NOX4: variants seen among roughly 807,000 people sequenced by gnomAD.
NOX4 encodes NADPH oxidase 4.
Under a neutral mutation model 87.6 loss-of-function variants are expected in NOX4, and 69 were observed. The observed-to-expected ratio is 0.79, with a 90% CI of 0.65 to 0.96. The LOEUF (loss-of-function observed/expected upper bound fraction) is 0.96. NOX4 is among the 40% of genes least tolerant of loss of function. NOX4 has a pLI of 0.00. For synonymous variants in NOX4, 275 were observed against 238.2 expected, an observed-to-expected ratio of 1.15 and a Z score of -1.42; for missense variants, 680 against 681.5, an observed-to-expected ratio of 1.00 and a Z score of 0.02.
At chr11:89,583,622 G>A in the NOX4 span, among the ~76,000 whole-genome samples, 1 of 152,096 alleles carries the variant, frequency 6.6e-6, no homozygotes, top group African/African-American at 2.4e-5. Flanking sequence ...TTATACTTTT[G>A]TGGATTTGCT....
At chr11:89,407,365 G>T (rs1942243048) in intron 8 of NOX4, among the ~76,000 whole-genome samples, 2 of 152,144 alleles carry the variant, frequency 1.3e-5, no homozygotes, top group African/African-American at 2.4e-5. Context: ...AGGAAAGGAG[G>T]TGCACAGACT....
chr11:89,542,109 G>A, the NOX4 span, among the ~76,000 whole-genome samples: 1 of 152,052 alleles, frequency 6.6e-6, no homozygotes, highest in Non-Finnish European at 1.5e-5. Context: ...CCACACTTGG[G>A]CCAAACTACT....
At chr11:89,559,404 T>C in the NOX4 span, among the ~76,000 whole-genome samples, 1 of 152,046 alleles carries the variant, frequency 6.6e-6, no homozygotes, top group Non-Finnish European at 1.5e-5. Context: ...ATCTGGTAAA[T>C]ATTTAACAGC....
At chr11:89,527,390 G>T in the NOX4 span, among the ~76,000 whole-genome samples, 1 of 152,206 alleles carries the variant, frequency 6.6e-6, no homozygotes, top group African/African-American at 2.4e-5. Context: ...GCAGAAATGT[G>T]CATAAGTAAT....
chr11:89,455,744 A>ATATATATATG (rs1163284365), intron 2 of NOX4, among the ~76,000 whole-genome samples: 16 of 146,960 alleles, frequency 1.1e-4, no homozygotes, highest in African/African-American at 4.2e-4. Flanking sequence ...ATATATATAT[A>ATATATATATG]TGAAACAAAA....
intron 17 of NOX4, among the ~76,000 whole-genome samples, chr11:89,329,438 A>C (rs1471514990): frequency 6.7e-6 from 1 of 149,796 alleles, no homozygotes; most frequent in East Asian, 1.9e-4. Context: ...TCAAAAATAC[A>C]TGTAACTGCA....
At chr11:89,475,904 A>C (rs888713351) in intron 2 of NOX4, among the ~76,000 whole-genome samples, 1 of 152,184 alleles carries the variant, frequency 6.6e-6, no homozygotes, top group African/African-American at 2.4e-5. Context: ...TTTCCATACT[A>C]TATTTCTTAT....
chr11:89,489,017 T>C (rs1172331622), intron 2 of NOX4: 3 of 701,892 alleles, frequency 4.3e-6, no homozygotes, highest in Non-Finnish European at 7.8e-6. Flanking sequence ...ATGAAAGAAA[T>C]AAATGAAATG....
At chr11:89,518,966 T>G in the NOX4 span, among the ~76,000 whole-genome samples, 1 of 152,090 alleles carries the variant, frequency 6.6e-6, no homozygotes, top group South Asian at 2.1e-4. Flanking sequence ...AAAGAATATT[T>G]TGTAGTCCTT....
chr11:89,491,262 G>T lies in NOX4; in HGVS notation c.-16C>A. ...ACACAGCCATGCCGCCGGCCCCGCC[G>T]CGCTGCGCTCTGTGCCCGCCGGACC... is the stretch of plus-strand genomic sequence containing the variant. On this transcript the variant is annotated 5_prime_UTR_variant, in exon 1 of 18. Transcript: ENST00000263317. The T allele has an allele frequency of 1.9e-6, 3 of 1,611,594 alleles. No homozygotes were observed. The highest frequency in any genetic ancestry group is 2.5e-6 in the Non-Finnish European group (3 of 1,178,830).
chr11:89,347,632 T>A lies in NOX4; in HGVS notation c.1218-5439A>T, dbSNP rs190177040. On this transcript the variant is annotated intron_variant, in intron 13 of 17. Coordinates refer to ENST00000263317, the MANE Select transcript of NOX4 (RefSeq NM_016931.5). The stretch of plus-strand genomic sequence containing the variant: ...TCAATCATGAGGACTTAAACCAGAA[T>A]GTGACTCAAGGGAAAAAGCTTGAAG... 3.3e-5 allele frequency among the ~76,000 whole-genome samples: 5 copies of A among 152,256 alleles called. No individual in the cohort carries two copies. In the East Asian group the frequency reaches 9.7e-4, roughly 29 times the overall value.
At chr11:89,475,183 A>T (rs1473960197) in intron 2 of NOX4, among the ~76,000 whole-genome samples, 1 of 152,026 alleles carries the variant, frequency 6.6e-6, no homozygotes, top group Admixed American at 6.6e-5. Context: ...TACTTAAAAA[A>T]ATAAAAAACT....
intron 2 of NOX4, among the ~76,000 whole-genome samples, chr11:89,477,589 A>G (rs889664048): frequency 3.3e-5 from 5 of 152,130 alleles, no homozygotes; most frequent in Non-Finnish European, 7.4e-5. Flanking sequence ...AAGAAAGTAA[A>G]AGGAAGTCTG....
intron 2 of NOX4, among the ~76,000 whole-genome samples, chr11:89,460,714 T>G (rs1945422033): frequency 6.6e-6 from 1 of 152,224 alleles, no homozygotes. Context: ...TTGGTGGGAC[T>G]GTAAACTAGT....
At chr11:89,550,048 T>A in the NOX4 span, among the ~76,000 whole-genome samples, 2 of 152,164 alleles carry the variant, frequency 1.3e-5, no homozygotes, top group Non-Finnish European at 2.9e-5. Context: ...GATATTTCTT[T>A]TTCTAGATCC....
intron 2 of NOX4, among the ~76,000 whole-genome samples, chr11:89,470,708 T>C (rs564661716): frequency 6.6e-6 from 1 of 152,336 alleles, no homozygotes; most frequent in East Asian, 1.9e-4. Flanking sequence ...ACTGCGTAGA[T>C]GATCTAGTCC....
intron 11 of NOX4, among the ~76,000 whole-genome samples, chr11:89,397,088 T>C (rs1343855636): frequency 2.6e-5 from 4 of 152,052 alleles, no homozygotes; most frequent in African/African-American, 9.7e-5. Context: ...CCTCAGGAAA[T>C]GTATAAGAAG....
At chr11:89,381,218 T>C (rs1250429519) in intron 11 of NOX4, among the ~76,000 whole-genome samples, 2 of 152,104 alleles carry the variant, frequency 1.3e-5, no homozygotes, top group African/African-American at 4.8e-5. Context: ...CTCTGACTCA[T>C]GGAAAAATAT....
At chr11:89,510,303 G>A in the NOX4 span, among the ~76,000 whole-genome samples, 30 of 152,066 alleles carry the variant, frequency 2.0e-4, no homozygotes, top group Non-Finnish European at 4.3e-4. Flanking sequence ...TTTCTATTTA[G>A]AGATTAAAAG....
Sources: gnomAD v4.1 joint callset for allele counts (sites outside exome capture counted in the v4.1 genomes callset) on GRCh38, gnomAD v4.1.1 for gene constraint, MANE v1.5 for transcripts, NCBI Gene and HGNC (gene_info 2026-07-23, HGNC 2026-07-21) for gene names.